The following EFCAB11 variants were observed in gnomAD, a reference collection of about 807,000 sequenced individuals.
EFCAB11 encodes the protein EF-hand calcium binding domain 11, also known as EF-hand calcium-binding domain-containing protein 11.
A neutral mutation model predicts 23.0 loss-of-function variants in EFCAB11; 14 were observed. That is an observed-to-expected ratio of 0.61 (90% CI 0.40 to 0.95). The LOEUF is 0.95. EFCAB11 is among the 40% of genes least tolerant of loss of function. The probability of loss-of-function intolerance (pLI) is 0.00; values close to 1 mark genes in which losing one functional copy is unlikely to be tolerated. For synonymous variants in EFCAB11, 65 were observed against 66.6 expected (o/e 0.98, Z 0.11); for missense variants, 198 against 195.8 (o/e 1.01, Z -0.07).
At position 89,797,068 on chromosome 14, in the gene EFCAB11, G is replaced by A. The variant is rs924588570; in HGVS notation, c.*175C>T. 22 of 392,150 alleles carry A rather than the reference G, an allele frequency of 5.6e-5. No homozygotes were observed. The highest frequency in any genetic ancestry group is 1.1e-4 in the East Asian group (3 of 26,526). The allele number at this position is 392,150 out of a possible 1,614,324, so 24.3% of individuals were successfully genotyped here. A position where few individuals can be genotyped will look rare whatever the true frequency, so the allele number is the denominator to read the frequency against. The stretch of plus-strand genomic sequence containing the variant: ...GCATGCCTGTGCCAAAATATCTCCC[G>A]TAACCCATATATGTGTGTGTATGTA... On this transcript the variant is annotated 3_prime_UTR_variant, in exon 6 of 6. Coordinates refer to ENST00000316738, the MANE Select transcript of EFCAB11 (RefSeq NM_145231.4).
chr14:89,905,199 G>T (rs1267336580), intron 5 of EFCAB11, among the ~76,000 whole-genome samples: 9 of 152,134 alleles, frequency 5.9e-5, no homozygotes, highest in Admixed American at 5.2e-4. Context: ...AGGCTTGGAG[G>T]ATTCACAGGA....
chr14:89,796,092 A>G lies in EFCAB11; in HGVS notation c.*1151T>C, dbSNP rs1885567213. The G allele has an allele frequency of 1.3e-5, 2 of 152,360 alleles. No individual in the cohort carries two copies. Among genetic ancestry groups the G allele is most frequent in the Non-Finnish European group, 2.9e-5 (2 of 68,164 alleles). The allele number at this position is 152,360 out of a possible 1,614,324, so 9.4% of individuals were successfully genotyped here. On this transcript the variant is annotated 3_prime_UTR_variant, in exon 6 of 6. Coordinates refer to ENST00000316738, the MANE Select transcript of EFCAB11 (RefSeq NM_145231.4). ...TTGCTTCTCCACAGTGAGACTCCCA[A>G]GCCTAGACCATCCTAAAGGGTTCTG...
At chr14:89,842,071 T>C (rs1037448980) in intron 5 of EFCAB11, among the ~76,000 whole-genome samples, 1 of 152,142 alleles carries the variant, frequency 6.6e-6, no homozygotes, top group African/African-American at 2.4e-5. Context: ...GAAACCTAGA[T>C]TCAGTCTTGA....
chr14:89,910,156 A>T lies in EFCAB11; in HGVS notation c.410+21385T>A, dbSNP rs73320779. Among the ~76,000 whole-genome samples, 380 of 152,382 alleles carry T rather than the reference A, an allele frequency of 2.5e-3. 2 individuals carry two copies. Among genetic ancestry groups the T allele is most frequent in the African/African-American group, 9.0e-3 (373 of 41,598 alleles). On this transcript the variant is annotated intron_variant, in intron 5 of 5. Transcript: ENST00000316738. Reference sequence around the variant, plus strand: ...CTAACAAATATGTGTTTCCAAAACAAAGAAAGATATAAGCCTGAGAATAAA... The same window carrying T: ...CTAACAAATATGTGTTTCCAAAACATAGAAAGATATAAGCCTGAGAATAAA...
chr14:89,834,556 C>T (rs545441896), intron 5 of EFCAB11, among the ~76,000 whole-genome samples: 41 of 152,100 alleles, frequency 2.7e-4, no homozygotes, highest in African/African-American at 9.9e-4. Flanking sequence ...CAGAACTCTG[C>T]GGAAGACATT....
intron 5 of EFCAB11, among the ~76,000 whole-genome samples, chr14:89,873,762 G>T (rs1888353565): frequency 6.6e-6 from 1 of 152,220 alleles, no homozygotes; most frequent in African/African-American, 2.4e-5. Flanking sequence ...CTCACATCCA[G>T]GACACGCTGA....
At chr14:89,898,736 A>G (rs867133413) in intron 5 of EFCAB11, among the ~76,000 whole-genome samples, 2 of 149,788 alleles carry the variant, frequency 1.3e-5, no homozygotes, top group South Asian at 4.2e-4. Flanking sequence ...CGGTGGTACA[A>G]TCGTAGCTCA....
chr14:89,952,676 G>C, intron 2 of EFCAB11: 1 of 929,320 alleles, frequency 1.1e-6, no homozygotes, highest in Non-Finnish European at 1.3e-6. Context: ...AGTATGTTCT[G>C]TTGACACAAA....
At position 89,903,575 on chromosome 14, in the gene EFCAB11, G is replaced by GT. The variant is rs1024526814; in HGVS notation, c.410+27965_410+27966insA. 3.6e-4 allele frequency among the ~76,000 whole-genome samples: 41 copies of GT among 115,290 alleles called. 1 individual carries two copies. Among genetic ancestry groups the GT allele is most frequent in the Middle Eastern group, 4.3e-3 (1 of 230 alleles). The allele number at this position is 115,290 out of a possible 152,430, so 75.6% of individuals were successfully genotyped here. ...TTCCTTATAATGGGTAAAAGAGAAG[G>GT]GGGGGGGCAATTCTGGGTGTTTGCA... On this transcript the variant is annotated intron_variant, in intron 5 of 5. Coordinates refer to ENST00000316738, the MANE Select transcript of EFCAB11 (RefSeq NM_145231.4).
At chr14:89,857,688 A>C (rs1887797295) in intron 5 of EFCAB11, among the ~76,000 whole-genome samples, 1 of 152,224 alleles carries the variant, frequency 6.6e-6, no homozygotes, top group Non-Finnish European at 1.5e-5. Flanking sequence ...TCACCAGTTC[A>C]TCTAGAAACT....
intron 5 of EFCAB11, among the ~76,000 whole-genome samples, chr14:89,852,579 T>G (rs1887630465): frequency 6.6e-6 from 1 of 152,182 alleles, no homozygotes; most frequent in African/African-American, 2.4e-5. Context: ...AACTTAAATG[T>G]TTCATTTTAA....
chr14:89,826,790 T>C (rs904407444), intron 5 of EFCAB11, among the ~76,000 whole-genome samples: 2 of 152,158 alleles, frequency 1.3e-5, no homozygotes, highest in African/African-American at 4.8e-5. Flanking sequence ...CTATAATGGC[T>C]AAGTGCAGCC....
chr14:89,921,656 T>A (rs1036906478), intron 5 of EFCAB11, among the ~76,000 whole-genome samples: 1 of 152,068 alleles, frequency 6.6e-6, no homozygotes, highest in East Asian at 1.9e-4. Context: ...AGGAGAACGA[T>A]GGGGTAGGAG....
chr14:89,908,260 T>C (rs1363446716), intron 5 of EFCAB11, among the ~76,000 whole-genome samples: 2 of 152,236 alleles, frequency 1.3e-5, no homozygotes, highest in African/African-American at 4.8e-5. Flanking sequence ...CCAGGCACAG[T>C]GTTTGACAGG....
At chr14:89,910,793 G>T (rs1889653650) in intron 5 of EFCAB11, among the ~76,000 whole-genome samples, 1 of 152,276 alleles carries the variant, frequency 6.6e-6, no homozygotes, top group East Asian at 1.9e-4. Flanking sequence ...ATTGTGGGAA[G>T]AAGCAGGAAG....
intron 3 of EFCAB11, among the ~76,000 whole-genome samples, chr14:89,937,687 G>C (rs908694866): frequency 6.6e-6 from 1 of 151,950 alleles, no homozygotes; most frequent in Non-Finnish European, 1.5e-5. Flanking sequence ...CATCACACCC[G>C]GCTAATTTTT....
intron 5 of EFCAB11, among the ~76,000 whole-genome samples, chr14:89,805,631 C>T (rs749379533): frequency 5.3e-5 from 8 of 152,140 alleles, no homozygotes; most frequent in Non-Finnish European, 4.4e-5. Context: ...GAGCTATATA[C>T]AATGAGGGAA....
At chr14:89,876,963 C>T (rs972714522) in intron 5 of EFCAB11, among the ~76,000 whole-genome samples, 2 of 152,194 alleles carry the variant, frequency 1.3e-5, no homozygotes, top group Non-Finnish European at 1.5e-5. Context: ...TACATCCTCT[C>T]GTAAGGCTAG....
At chr14:89,945,706 G>T (rs573155835) in intron 3 of EFCAB11, among the ~76,000 whole-genome samples, 145 of 152,034 alleles carry the variant, frequency 9.5e-4, no homozygotes, top group African/African-American at 3.2e-3. Context: ...TGCTTTTGTT[G>T]GGTAGAACAT....
Sources: gnomAD v4.1 joint callset for allele counts (sites outside exome capture counted in the v4.1 genomes callset) on GRCh38, gnomAD v4.1.1 for gene constraint, MANE v1.5 for transcripts, NCBI Gene and HGNC (gene_info 2026-07-23, HGNC 2026-07-21) for gene names.